The following LRRTM4 variants were observed in gnomAD, a reference collection of about 807,000 sequenced individuals.
The protein encoded by LRRTM4 is leucine-rich repeat transmembrane neuronal protein 4.
In LRRTM4, 25 loss-of-function variants were observed where a neutral mutation model predicts 47.6. The ratio of observed to expected loss-of-function variants is 0.53; its 90% CI spans 0.38 to 0.73. The LOEUF (loss-of-function observed/expected upper bound fraction) is 0.73. Ranked by LOEUF, LRRTM4 falls within the 30% of genes least tolerant of loss-of-function variation. The pLI, the probability that LRRTM4 is intolerant of heterozygous loss-of-function variation, is 0.00. For synonymous variants in LRRTM4, 311 were observed against 269.5 expected (o/e 1.15, Z -1.51); for missense variants, 638 against 713.4 (o/e 0.89, Z 1.20).
At chr2:77,112,334 T>C (rs1034892753) in intron 3 of LRRTM4, among the ~76,000 whole-genome samples, 11 of 152,220 alleles carry the variant, frequency 7.2e-5, no homozygotes, top group Non-Finnish European at 1.2e-4. Flanking sequence ...AGAAAGAATT[T>C]AAGCCACCAG....
At chr2:77,031,051 T>A (rs905320393) in intron 3 of LRRTM4, among the ~76,000 whole-genome samples, 1 of 152,192 alleles carries the variant, frequency 6.6e-6, no homozygotes, top group Non-Finnish European at 1.5e-5. Context: ...TTTTCTTATA[T>A]TTTAAATGGA....
chr2:77,450,701 T>G (rs144481346), intron 3 of LRRTM4, among the ~76,000 whole-genome samples: 1,928 of 152,198 alleles, frequency 0.013, 27 homozygotes, highest in African/African-American at 0.043. Flanking sequence ...ATGGCTTGCT[T>G]TCTACATCTC....
intron 3 of LRRTM4, among the ~76,000 whole-genome samples, chr2:77,199,552 G>A (rs1438780772): frequency 6.6e-6 from 1 of 151,986 alleles, no homozygotes; most frequent in Non-Finnish European, 1.5e-5. Flanking sequence ...AATGTATTGA[G>A]ACCAGATGAT....
At chr2:77,010,339 G>C (rs1677822585) in intron 3 of LRRTM4, among the ~76,000 whole-genome samples, 1 of 128,908 alleles carries the variant, frequency 7.8e-6, no homozygotes, top group South Asian at 2.7e-4. Context: ...CTGTTTCTAT[G>C]AGTTTGATTT....
At chr2:76,768,869 CT>C (rs991381421) in intron 3 of LRRTM4, among the ~76,000 whole-genome samples, 3 of 152,148 alleles carry the variant, frequency 2.0e-5, no homozygotes, top group Non-Finnish European at 4.4e-5. Context: ...AGATTAATTG[CT>C]TTTTTCATTA....
chr2:77,167,800 A>G (rs758459813), intron 3 of LRRTM4, among the ~76,000 whole-genome samples: 3 of 152,016 alleles, frequency 2.0e-5, no homozygotes, highest in Non-Finnish European at 2.9e-5. Context: ...TGGGCCTGTC[A>G]TGGGATGGGG....
intron 3 of LRRTM4, among the ~76,000 whole-genome samples, chr2:77,165,591 C>T (rs1487244389): frequency 2.0e-5 from 3 of 152,194 alleles, no homozygotes; most frequent in Non-Finnish European, 1.5e-5. Flanking sequence ...TCCAGCAGCA[C>T]ATCGAAAAGC....
At chr2:76,902,003 T>G (rs990549610) in intron 3 of LRRTM4, among the ~76,000 whole-genome samples, 2 of 152,196 alleles carry the variant, frequency 1.3e-5, no homozygotes, top group African/African-American at 4.8e-5. Flanking sequence ...GGTATCATTA[T>G]CCTTCCTATG....
chr2:76,800,243 A>C (rs1675589904), intron 3 of LRRTM4, among the ~76,000 whole-genome samples: 3 of 149,014 alleles, frequency 2.0e-5, no homozygotes, highest in South Asian at 2.2e-4. Flanking sequence ...TGGTACTGGT[A>C]CCAAAACAGA....
chr2:76,828,961 T>C (rs191605978), intron 3 of LRRTM4, among the ~76,000 whole-genome samples: 42 of 152,104 alleles, frequency 2.8e-4, no homozygotes, highest in Admixed American at 1.3e-3. Flanking sequence ...AAATATCTTA[T>C]ATTCTTCCCT....
intron 3 of LRRTM4, among the ~76,000 whole-genome samples, chr2:76,767,494 G>A (rs1402390628): frequency 6.6e-6 from 1 of 152,092 alleles, no homozygotes; most frequent in African/African-American, 2.4e-5. Context: ...TACTGAAAGT[G>A]GTTCTTAAGA....
chr2:77,361,939 G>A (rs1672229276), intron 3 of LRRTM4, among the ~76,000 whole-genome samples: 1 of 151,774 alleles, frequency 6.6e-6, no homozygotes, highest in Admixed American at 6.6e-5. Flanking sequence ...ACAAAAATTG[G>A]CTGGGCATGG....
intron 3 of LRRTM4, among the ~76,000 whole-genome samples, chr2:76,793,231 A>G (rs907173515): frequency 1.3e-5 from 2 of 152,174 alleles, no homozygotes; most frequent in East Asian, 1.9e-4. Context: ...GGTGTTGTCA[A>G]TATTGTTCAT....
intron 3 of LRRTM4, among the ~76,000 whole-genome samples, chr2:76,779,474 G>A (rs562545520): frequency 6.8e-6 from 1 of 146,798 alleles, no homozygotes; most frequent in African/African-American, 2.6e-5. Context: ...ATTTAGGATA[G>A]TTAGCTCTTC....
intron 3 of LRRTM4, among the ~76,000 whole-genome samples, chr2:77,019,010 G>A (rs1039077170): frequency 2.6e-5 from 4 of 151,894 alleles, no homozygotes; most frequent in Non-Finnish European, 5.9e-5. Context: ...GAAATATCTT[G>A]TAACAGAAAT....
rs932577577 is a variant in LRRTM4, at chr2:77,089,996, G to A, written c.1552-341080C>T. 4.6e-5 allele frequency among the ~76,000 whole-genome samples: 7 copies of A among 151,934 alleles called. No homozygotes were observed. The South Asian group carries it at 8.3e-4, about 18-fold the overall frequency. On this transcript the variant is annotated intron_variant, in intron 3 of 3. Coordinates refer to ENST00000409884, the MANE Select transcript of LRRTM4 (RefSeq NM_001134745.3). ...CCCCTCAGTACTAACCCCAAGCATC[G>A]CTGAGTCTTTGTTATCTTCCTTTTC... is the stretch of plus-strand genomic sequence containing the variant.
At chr2:76,969,729 T>C (rs764875233) in intron 3 of LRRTM4, among the ~76,000 whole-genome samples, 3 of 152,002 alleles carry the variant, frequency 2.0e-5, no homozygotes, top group Non-Finnish European at 4.4e-5. Context: ...ATTTGAGTAC[T>C]TGCTTAATTC....
intron 3 of LRRTM4, among the ~76,000 whole-genome samples, chr2:77,051,830 G>A (rs1235468426): frequency 6.6e-6 from 1 of 151,982 alleles, no homozygotes; most frequent in African/African-American, 2.4e-5. Context: ...TGTCAAATAG[G>A]AAACTGAAAA....
At chr2:77,428,216 T>C (rs1215775248) in intron 3 of LRRTM4, among the ~76,000 whole-genome samples, 3 of 152,156 alleles carry the variant, frequency 2.0e-5, no homozygotes, top group African/African-American at 7.2e-5. Context: ...CCTCTTTCCT[T>C]TATAAATTAC....
Sources: gnomAD v4.1 joint callset for allele counts (sites outside exome capture counted in the v4.1 genomes callset) on GRCh38, gnomAD v4.1.1 for gene constraint, MANE v1.5 for transcripts, NCBI Gene and HGNC (gene_info 2026-07-23, HGNC 2026-07-21) for gene names.